Variants in RAD51B observed in about 807,000 individuals in gnomAD.
RAD51B encodes RAD51 paralog B, also known as DNA repair protein RAD51 homolog 2.
Under a neutral mutation model 42.2 loss-of-function variants are expected in RAD51B, and 38 were observed. The observed-to-expected ratio is 0.90, with a 90% CI of 0.70 to 1.18. The LOEUF (loss-of-function observed/expected upper bound fraction) is 1.18, where lower values mean the gene tolerates loss of function less well. RAD51B is among the 50% of genes most tolerant of loss of function. RAD51B has a pLI of 0.00. For synonymous variants in RAD51B, 154 were observed against 145.2 expected (o/e 1.06, Z -0.43); for missense variants, 373 against 400.7 (o/e 0.93, Z 0.59).
At chr14:68,045,095 G>T (rs1464995528) in intron 7 of RAD51B, among the ~76,000 whole-genome samples, 1 of 151,794 alleles carries the variant, frequency 6.6e-6, no homozygotes, top group Non-Finnish European at 1.5e-5. Context: ...AATTAGCCAG[G>T]TGTGGTGGTG....
At chr14:68,120,535 G>GA (rs1480853943) in intron 7 of RAD51B, among the ~76,000 whole-genome samples, 11 of 152,078 alleles carry the variant, frequency 7.2e-5, no homozygotes, top group African/African-American at 1.9e-4. Flanking sequence ...TTCATTGAAT[G>GA]AAAAAATGAA....
intron 10 of RAD51B, among the ~76,000 whole-genome samples, chr14:68,488,521 T>C (rs1230792932): frequency 6.6e-6 from 1 of 152,166 alleles, no homozygotes; most frequent in East Asian, 1.9e-4. Flanking sequence ...CCCTTTGTAT[T>C]TGATCACCCT....
At chr14:68,636,065 CT>C (rs1051937913) in intron 10 of RAD51B, among the ~76,000 whole-genome samples, 5 of 152,114 alleles carry the variant, frequency 3.3e-5, no homozygotes, top group Admixed American at 1.3e-4. Context: ...GCCGTGAGTG[CT>C]TTTTTCCATG....
At chr14:68,659,486 G>A (rs554027257) in intron 11 of RAD51B, among the ~76,000 whole-genome samples, 404 of 152,342 alleles carry the variant, frequency 2.7e-3, no homozygotes, top group Non-Finnish European at 4.1e-3. Context: ...GGCGGGAGGC[G>A]GGTAGGAGGG....
At chr14:68,155,978 GT>G (rs1044262012) in intron 7 of RAD51B, among the ~76,000 whole-genome samples, 5 of 152,226 alleles carry the variant, frequency 3.3e-5, no homozygotes, top group African/African-American at 1.2e-4. Context: ...ATAGAAGCTA[GT>G]GAAGTAAGAA....
rs1252521475 is a variant in RAD51B, at chr14:68,068,758, C to T, written c.756+181554C>T. Among the ~76,000 whole-genome samples, 5 of 152,134 alleles carry T rather than the reference C, an allele frequency of 3.3e-5. No homozygotes were observed. In the East Asian group the frequency reaches 9.6e-4, roughly 29 times the overall value. On this transcript the variant is annotated intron_variant, in intron 7 of 10. Transcript: ENST00000471583. Reference sequence around the variant, plus strand: ...GCAATGCATGAAGATTCCGATTCCTCCACATACACACCAATACTTATTATT... The same window carrying T: ...GCAATGCATGAAGATTCCGATTCCTTCACATACACACCAATACTTATTATT...
At position 68,343,689 on chromosome 14, in the gene RAD51B, G is replaced by C. The variant is rs766947502; in HGVS notation, c.853+51709G>C. 2.6e-5 allele frequency among the ~76,000 whole-genome samples: 4 copies of C among 152,242 alleles called. No individual in the cohort carries two copies. The East Asian group carries it at 5.8e-4, about 22-fold the overall frequency. On this transcript the variant is annotated intron_variant, in intron 8 of 10. Coordinates refer to ENST00000471583, the MANE Select transcript of RAD51B (RefSeq NM_133510.4). ...TAATTTCCAAGACAATGGGGAAAAGGCATATCAGAGATCTTGGAGACAGAC... is the reference window on the plus strand; with the variant it reads ...TAATTTCCAAGACAATGGGGAAAAGCCATATCAGAGATCTTGGAGACAGAC...
chr14:68,619,416 C>T (rs1891896693), intron 10 of RAD51B, among the ~76,000 whole-genome samples: 1 of 149,704 alleles, frequency 6.7e-6, no homozygotes, highest in South Asian at 2.1e-4. Context: ...TGAGTGAGAT[C>T]GCACCACTGC....
chr14:68,368,283 G>A (rs2083183528), intron 8 of RAD51B, among the ~76,000 whole-genome samples: 1 of 152,170 alleles, frequency 6.6e-6, no homozygotes, highest in Non-Finnish European at 1.5e-5. Context: ...CCTCGAACAA[G>A]TTAATTCCTC....
At chr14:68,425,983 C>T (rs10142210) in intron 9 of RAD51B, among the ~76,000 whole-genome samples, 1,026 of 34,118 alleles carry the variant, frequency 0.03, 14 homozygotes, top group Middle Eastern at 0.054. Context: ...TTTCTTCCTT[C>T]CTTCCTTCCT....
At chr14:68,160,985 G>A (rs1394609110) in intron 7 of RAD51B, among the ~76,000 whole-genome samples, 1 of 152,172 alleles carries the variant, frequency 6.6e-6, no homozygotes, top group African/African-American at 2.4e-5. Flanking sequence ...CAAGACGTGA[G>A]TTCTTTTGTT....
At chr14:67,905,118 C>T (rs1029461151) in intron 7 of RAD51B, among the ~76,000 whole-genome samples, 1 of 151,994 alleles carries the variant, frequency 6.6e-6, no homozygotes, top group Non-Finnish European at 1.5e-5. Context: ...TAATTTCAGT[C>T]TTCTGCATAT....
At chr14:68,462,497 G>A (rs2085869732) in intron 9 of RAD51B, among the ~76,000 whole-genome samples, 2 of 152,204 alleles carry the variant, frequency 1.3e-5, no homozygotes, top group African/African-American at 2.4e-5. Context: ...GTGGGATTGG[G>A]GATCCAGCAT....
At chr14:67,846,029 T>G (rs2041600330) in intron 4 of RAD51B, among the ~76,000 whole-genome samples, 1 of 152,176 alleles carries the variant, frequency 6.6e-6, no homozygotes, top group Admixed American at 6.5e-5. Context: ...CAGGTGTTCT[T>G]GGATCTCTGG....
intron 10 of RAD51B, chr14:68,562,101 T>G: frequency 1.0e-6 from 1 of 985,354 alleles, no homozygotes; most frequent in African/African-American, 1.7e-5. Flanking sequence ...AAGCTTTTGG[T>G]TTGTCCTTTT....
intron 7 of RAD51B, among the ~76,000 whole-genome samples, chr14:68,160,619 G>A (rs1332397949): frequency 6.6e-6 from 1 of 152,060 alleles, no homozygotes; most frequent in Non-Finnish European, 1.5e-5. Flanking sequence ...TTAAAATATT[G>A]CATTAAATAT....
intron 7 of RAD51B, among the ~76,000 whole-genome samples, chr14:68,034,881 T>C (rs1266794747): frequency 6.6e-6 from 1 of 152,126 alleles, no homozygotes; most frequent in African/African-American, 2.4e-5. Flanking sequence ...ATGTCTAATA[T>C]TGCAAATTAG....
chr14:67,982,192 C>T (rs2075107038), intron 7 of RAD51B, among the ~76,000 whole-genome samples: 1 of 152,134 alleles, frequency 6.6e-6, no homozygotes, highest in East Asian at 1.9e-4. Flanking sequence ...GCCTTGGCCT[C>T]CCAAAGTGCT....
At chr14:67,962,105 G>A (rs572879374) in intron 7 of RAD51B, among the ~76,000 whole-genome samples, 1 of 152,262 alleles carries the variant, frequency 6.6e-6, no homozygotes, top group Admixed American at 6.5e-5. Flanking sequence ...AACTAGTATG[G>A]AATACAATAG....
Sources: gnomAD v4.1 joint callset for allele counts (sites outside exome capture counted in the v4.1 genomes callset) on GRCh38, gnomAD v4.1.1 for gene constraint, MANE v1.5 for transcripts, NCBI Gene and HGNC (gene_info 2026-07-23, HGNC 2026-07-21) for gene names.